Variants in NIPBL observed in about 807,000 individuals in gnomAD.
NIPBL encodes nipped-B-like protein.
NIPBL carries 19 observed loss-of-function variants against 321.8 expected under a neutral mutation model. The ratio of observed to expected loss-of-function variants is 0.06; its 90% CI spans 0.04 to 0.09. The LOEUF (loss-of-function observed/expected upper bound fraction) is 0.09, where lower values mean the gene tolerates loss of function less well. NIPBL is among the 10% of genes least tolerant of loss of function. The probability of loss-of-function intolerance (pLI) is 1.00; values close to 1 mark genes in which losing one functional copy is unlikely to be tolerated. For synonymous variants in NIPBL, 1,106 were observed against 1,114.1 expected, an observed-to-expected ratio of 0.99 and a Z score of 0.14; for missense variants, 2,210 against 3,327.0, an observed-to-expected ratio of 0.66 and a Z score of 8.26.
At chr5:36,940,467 C>T (rs968694026) in intron 1 of NIPBL, among the ~76,000 whole-genome samples, 16 of 152,122 alleles carry the variant, frequency 1.1e-4, no homozygotes, top group African/African-American at 3.9e-4. Flanking sequence ...ATCTTCTTTC[C>T]TTAGCTAGGC....
At chr5:37,061,090 G>C (rs892913118) in intron 45 of NIPBL, 72 bp downstream of exon 45, 17 of 1,076,980 alleles carry the variant, frequency 1.6e-5, no homozygotes, top group Non-Finnish European at 1.7e-5. Flanking sequence ...GGGGCCGGTG[G>C]GGAGATAACT....
At chr5:36,949,601 CAT>C (rs780410608) in intron 1 of NIPBL, among the ~76,000 whole-genome samples, 15 of 151,944 alleles carry the variant, frequency 9.9e-5, no homozygotes, top group Non-Finnish European at 1.5e-4. Context: ...GGAATATCTA[CAT>C]GTGTATGTTA....
intron 1 of NIPBL, among the ~76,000 whole-genome samples, chr5:36,936,703 G>A (rs1738470408): frequency 6.6e-6 from 1 of 152,030 alleles, no homozygotes; most frequent in Non-Finnish European, 1.5e-5. Flanking sequence ...CTACTTTCAA[G>A]TTTATCTTGA....
intron 1 of NIPBL, among the ~76,000 whole-genome samples, chr5:36,936,938 T>C (rs1418564231): frequency 6.6e-6 from 1 of 152,132 alleles, no homozygotes; most frequent in Non-Finnish European, 1.5e-5. Flanking sequence ...ATAGGCTATG[T>C]ATTGCCTACA....
rs141252154 is a variant in NIPBL at position 36,886,063 on chromosome 5, G to A, written c.-80+8885G>A. The A allele has an allele frequency of 2.3e-4, 161 of 702,034 alleles. 2 individuals are homozygous for A. Among genetic ancestry groups the A allele is most frequent in the Admixed American group, 1.8e-3 (98 of 55,622 alleles). The allele number at this position is 702,034 out of a possible 1,614,324, so 43.5% of individuals were successfully genotyped here. ...CCACAGTGGTCACCACTCAGTCCGC[G>A]CAGGTCGGAGCTGCTGAGATGACAC... On this transcript the variant is annotated intron_variant, in intron 1 of 46. Coordinates refer to ENST00000282516, the MANE Select transcript of NIPBL (RefSeq NM_133433.4).
At chr5:36,911,868 A>G (rs1419730795) in intron 1 of NIPBL, among the ~76,000 whole-genome samples, 1 of 152,226 alleles carries the variant, frequency 6.6e-6, no homozygotes, top group African/African-American at 2.4e-5. Flanking sequence ...GAGCTAGTGT[A>G]AATCTAGAAG....
At chr5:36,928,038 G>A (rs753230259) in intron 1 of NIPBL, among the ~76,000 whole-genome samples, 52 of 151,620 alleles carry the variant, frequency 3.4e-4, no homozygotes, top group Non-Finnish European at 6.6e-4. Context: ...AACCATACTC[G>A]ATGCACAAAA....
intron 1 of NIPBL, among the ~76,000 whole-genome samples, chr5:36,895,582 A>G (rs957402451): frequency 3.3e-5 from 5 of 152,178 alleles, no homozygotes; most frequent in South Asian, 2.1e-4. Flanking sequence ...TGTAGTAGCA[A>G]TGTATGAAGG....
intron 1 of NIPBL, among the ~76,000 whole-genome samples, chr5:36,907,060 C>T (rs192536178): frequency 7.9e-5 from 12 of 152,170 alleles, no homozygotes; most frequent in African/African-American, 2.9e-4. Context: ...TTAGTTTTTC[C>T]GGGTGAATAT....
intron 21 of NIPBL, among the ~76,000 whole-genome samples, chr5:37,014,189 A>G (rs1259276871): frequency 6.6e-6 from 1 of 151,828 alleles, no homozygotes; most frequent in Non-Finnish European, 1.5e-5. Context: ...CATCAGAGGG[A>G]GACCGTGGAA....
At chr5:36,893,426 C>T (rs1269669914) in intron 1 of NIPBL, among the ~76,000 whole-genome samples, 1 of 151,946 alleles carries the variant, frequency 6.6e-6, no homozygotes, top group East Asian at 1.9e-4. Context: ...TCTAAGTATA[C>T]TTAAACAAAT....
At position 37,044,744 on chromosome 5, in the gene NIPBL, A is replaced by C. The variant is rs753351548; in HGVS notation, c.6343+15A>C. ...TAGATACTATGGTAAGTTCAATACC[A>C]GGGTTTTAAAATTATTCTGCTAGGT... is the stretch of plus-strand genomic sequence containing the variant. On this transcript the variant is annotated intron_variant, in intron 36 of 46. Coordinates refer to ENST00000282516, the MANE Select transcript of NIPBL (RefSeq NM_133433.4). The C allele has an allele frequency of 4.4e-6, 7 of 1,578,258 alleles. No homozygotes were observed. The highest frequency in any genetic ancestry group is 6.1e-6 in the Non-Finnish European group (7 of 1,147,502).
intron 9 of NIPBL, among the ~76,000 whole-genome samples, chr5:36,977,053 C>T (rs143750073): frequency 7.2e-4 from 109 of 151,980 alleles, no homozygotes; most frequent in East Asian, 5.6e-3. Context: ...GCTTTCCTTG[C>T]GCTTCATAAT....
intron 21 of NIPBL, among the ~76,000 whole-genome samples, chr5:37,011,567 T>A (rs1343739629): frequency 6.6e-6 from 1 of 152,156 alleles, no homozygotes; most frequent in Non-Finnish European, 1.5e-5. Context: ...AATGAATGAA[T>A]GAAAGAAAGA....
At chr5:37,013,196 G>T (rs1313223022) in intron 21 of NIPBL, among the ~76,000 whole-genome samples, 3 of 150,892 alleles carry the variant, frequency 2.0e-5, no homozygotes, top group Admixed American at 6.6e-5. Context: ...CCTCCCGGAC[G>T]GGGCGGCTGG....
rs1441383621 is a variant in NIPBL, at chr5:36,942,949, G to A, written c.-79-10669G>A. 2.0e-5 allele frequency among the ~76,000 whole-genome samples: 3 copies of A among 152,002 alleles called. 1 individual carries two copies. The highest frequency in any genetic ancestry group is 4.1e-4 in the South Asian group (2 of 4,826). ...TTCTTGCTAACCTCACTGTGAGACT[G>A]TAGTATTTTGTACCTAACAAAAAAT... On this transcript the variant is annotated intron_variant, in intron 1 of 46. Transcript: ENST00000282516.
chr5:36,970,837 A>G, intron 6 of NIPBL, 39 bp from the exon 7 acceptor site: 1 of 1,539,370 alleles, frequency 6.5e-7, no homozygotes, highest in East Asian at 2.3e-5. Flanking sequence ...AATGTTAAGA[A>G]TCTTTTATTA....
chr5:37,045,285 C>T (rs763842104), intron 36 of NIPBL, among the ~76,000 whole-genome samples, 158 bp from the exon 37 acceptor site: 29 of 151,922 alleles, frequency 1.9e-4, no homozygotes, highest in Non-Finnish European at 4.1e-4. Context: ...ACACGGGAGG[C>T]GGAGGTTGCA....
chr5:37,038,572 A>G (rs1185984461), intron 33 of NIPBL, 30 bp from the exon 34 acceptor site: 1 of 1,603,894 alleles, frequency 6.2e-7, no homozygotes. Flanking sequence ...GTCATATTTT[A>G]GTGTCTTATT....
Sources: gnomAD v4.1 joint callset for allele counts (sites outside exome capture counted in the v4.1 genomes callset) on GRCh38, gnomAD v4.1.1 for gene constraint, MANE v1.5 for transcripts, NCBI Gene and HGNC (gene_info 2026-07-23, HGNC 2026-07-21) for gene names.